The following KIF26B variants were observed in gnomAD, a reference collection of about 807,000 sequenced individuals.
The protein encoded by KIF26B is kinesin-like protein KIF26B.
Under a neutral mutation model 151.2 loss-of-function variants are expected in KIF26B, and 63 were observed. The observed-to-expected ratio is 0.42, with a 90% CI of 0.34 to 0.51. The LOEUF (loss-of-function observed/expected upper bound fraction) is 0.51, where lower values mean the gene tolerates loss of function less well. Ranked by LOEUF, KIF26B falls within the 20% of genes least tolerant of loss-of-function variation. KIF26B has a pLI of 0.07. For missense variants in KIF26B, 2,813 were observed against 2,913.6 expected (o/e 0.97, Z 0.79); for synonymous variants, 1,357 against 1,262.1 (o/e 1.08, Z -1.59).
At chr1:245,313,850 T>A (rs1386133922) in intron 2 of KIF26B, among the ~76,000 whole-genome samples, 1 of 152,130 alleles carries the variant, frequency 6.6e-6, no homozygotes, top group African/African-American at 2.4e-5. Flanking sequence ...CTGTTAAAGC[T>A]CCTTAGCAAG....
chr1:245,414,242 G>C (rs1048021897), intron 3 of KIF26B, among the ~76,000 whole-genome samples: 2 of 152,238 alleles, frequency 1.3e-5, no homozygotes, highest in Non-Finnish European at 2.9e-5. Flanking sequence ...GGGAAGACTT[G>C]CTTTGAAGTG....
At chr1:245,201,834 A>C (rs1023992737) in intron 2 of KIF26B, among the ~76,000 whole-genome samples, 2 of 152,034 alleles carry the variant, frequency 1.3e-5, no homozygotes, top group African/African-American at 4.8e-5. Context: ...GATCCTTTTT[A>C]CCCCCAGCTA....
intron 10 of KIF26B, among the ~76,000 whole-genome samples, chr1:245,665,099 AT>A (rs1003721019): frequency 7.9e-5 from 12 of 152,232 alleles, no homozygotes; most frequent in African/African-American, 2.9e-4. Context: ...CCACAAGTCA[AT>A]TTCCAGAGCA....
chr1:245,673,514 T>C (rs983178349), intron 10 of KIF26B, among the ~76,000 whole-genome samples: 1 of 152,272 alleles, frequency 6.6e-6, no homozygotes. Flanking sequence ...AGATATTTCC[T>C]GGCCTTATTT....
At chr1:245,370,166 C>T (rs1673078422) in intron 3 of KIF26B, among the ~76,000 whole-genome samples, 1 of 152,150 alleles carries the variant, frequency 6.6e-6, no homozygotes. Context: ...GCATTTCATA[C>T]ACTCGCAATT....
rs1158426786 is a variant in KIF26B at position 245,156,671 on chromosome 1, C to T, written c.453C>T (p.Pro151=). ...RQALRLLLPG[P]FPGKDPAFSA... ...CCCTGAGGTTGCTCCTCCCGGGGCC[C>T]TTCCCGGGCAAGGTGAGCGCCGCGC... Residue 151 remains proline, a synonymous_variant, in exon 2 of 15, where the codon CCC becomes CCT. Transcript: ENST00000407071. 2.4e-5 allele frequency: 36 copies of T among 1,499,054 alleles called. No homozygotes were observed. Among genetic ancestry groups the T allele is most frequent in the Middle Eastern group, 4.7e-4 (2 of 4,280 alleles). The allele number at this position is 1,499,054 out of a possible 1,614,324, so 92.9% of individuals were successfully genotyped here. A position where few individuals can be genotyped will look rare whatever the true frequency, so the allele number is the denominator to read the frequency against.
At chr1:245,580,279 CTCT>C (rs1236860625) in intron 5 of KIF26B, among the ~76,000 whole-genome samples, 4 of 152,208 alleles carry the variant, frequency 2.6e-5, no homozygotes, top group Non-Finnish European at 5.9e-5. Flanking sequence ...GAATGAGACT[CTCT>C]TCTGTCCTCC....
intron 2 of KIF26B, among the ~76,000 whole-genome samples, chr1:245,251,155 C>T (rs565147812): frequency 6.6e-6 from 1 of 152,276 alleles, no homozygotes; most frequent in Admixed American, 6.5e-5. Context: ...ATATAGGCAA[C>T]CTCTCTGCCT....
At chr1:245,306,469 T>C (rs1378713032) in intron 2 of KIF26B, among the ~76,000 whole-genome samples, 1 of 152,170 alleles carries the variant, frequency 6.6e-6, no homozygotes, top group Non-Finnish European at 1.5e-5. Flanking sequence ...CCTGTAAATA[T>C]ACTAAAAAGC....
At chr1:245,237,521 T>A (rs573814635) in intron 2 of KIF26B, among the ~76,000 whole-genome samples, 1 of 152,220 alleles carries the variant, frequency 6.6e-6, no homozygotes, top group Non-Finnish European at 1.5e-5. Flanking sequence ...AGCAAAACCG[T>A]ACCCTGGTGG....
At chr1:245,205,846 C>T (rs1238169945) in intron 2 of KIF26B, among the ~76,000 whole-genome samples, 1 of 146,734 alleles carries the variant, frequency 6.8e-6, no homozygotes, top group Non-Finnish European at 1.5e-5. Context: ...CCACCCCCAC[C>T]CACACCCCCA....
At chr1:245,323,908 T>A (rs73130847) in intron 2 of KIF26B, among the ~76,000 whole-genome samples, 1,280 of 110,388 alleles carry the variant, frequency 0.012, 16 homozygotes, top group African/African-American at 0.04. Context: ...GGTCCTGCCA[T>A]GGGTGGATGG....
chr1:245,549,937 C>T (rs1558210258), intron 5 of KIF26B, among the ~76,000 whole-genome samples: 1 of 152,176 alleles, frequency 6.6e-6, no homozygotes, highest in Non-Finnish European at 1.5e-5. Flanking sequence ...TATGCCACCA[C>T]GCTCAGCTAA....
intron 5 of KIF26B, among the ~76,000 whole-genome samples, chr1:245,599,842 A>T (rs530765756): frequency 3.9e-5 from 6 of 152,248 alleles, no homozygotes; most frequent in African/African-American, 1.4e-4. Context: ...GAAAATTGCC[A>T]GAATGGAATG....
intron 12 of KIF26B, among the ~76,000 whole-genome samples, chr1:245,694,835 G>C (rs1379102699): frequency 1.3e-5 from 2 of 152,228 alleles, no homozygotes; most frequent in African/African-American, 4.8e-5. Context: ...ATGTCGGCAG[G>C]TATCAGCCCA....
chr1:245,394,594 G>C (rs1171336582), intron 3 of KIF26B, among the ~76,000 whole-genome samples: 1 of 151,978 alleles, frequency 6.6e-6, no homozygotes, highest in Non-Finnish European at 1.5e-5. Flanking sequence ...CTGCACTCCA[G>C]CCTGGGCAGC....
chr1:245,329,306 G>A (rs1394976321), intron 2 of KIF26B, among the ~76,000 whole-genome samples: 1 of 152,240 alleles, frequency 6.6e-6, no homozygotes, highest in Admixed American at 6.5e-5. Flanking sequence ...GCTTTTCAGG[G>A]AAGTCCGCCC....
chr1:245,304,226 A>C (rs1671493675), intron 2 of KIF26B, among the ~76,000 whole-genome samples: 1 of 152,166 alleles, frequency 6.6e-6, no homozygotes. Flanking sequence ...GATAGCAGGG[A>C]GTGAGGTTTT....
At chr1:245,692,060 C>T (rs1325498005) in intron 12 of KIF26B, among the ~76,000 whole-genome samples, 1 of 152,158 alleles carries the variant, frequency 6.6e-6, no homozygotes, top group African/African-American at 2.4e-5. Flanking sequence ...TCTCTGCTGC[C>T]CACATCATAT....
Sources: gnomAD v4.1 joint callset for allele counts (sites outside exome capture counted in the v4.1 genomes callset) on GRCh38, gnomAD v4.1.1 for gene constraint, MANE v1.5 for transcripts, NCBI Gene and HGNC (gene_info 2026-07-23, HGNC 2026-07-21) for gene names.